Variants in CLGN observed in about 807,000 individuals in gnomAD.
The protein encoded by CLGN is calmegin, also known as testis tissue sperm-binding protein Li 79P.
CLGN carries 62 observed loss-of-function variants against 79.1 expected under a neutral mutation model. That is an observed-to-expected ratio of 0.78 (90% CI 0.64 to 0.97). CLGN has a LOEUF of 0.97. Ranked by LOEUF, CLGN falls within the 50% of genes least tolerant of loss-of-function variation. The probability of loss-of-function intolerance (pLI) is 0.00; values close to 1 mark genes in which losing one functional copy is unlikely to be tolerated. For missense variants in CLGN, 647 were observed against 715.5 expected, an observed-to-expected ratio of 0.90 and a Z score of 1.09; for synonymous variants, 225 against 224.7, an observed-to-expected ratio of 1.00 and a Z score of -0.01.
intron 2 of CLGN, among the ~76,000 whole-genome samples, chr4:140,410,945 A>T (rs944754252): frequency 5.9e-5 from 9 of 152,106 alleles, no homozygotes; most frequent in Non-Finnish European, 4.4e-5. Context: ...AAACAGCATA[A>T]TGAAAAGCAT....
At chr4:140,409,716 C>G in intron 4 of CLGN, 121 bp downstream of exon 4, 1 of 530,670 alleles carries the variant, frequency 1.9e-6, no homozygotes, top group Non-Finnish European at 3.4e-6. Context: ...AAAGACTGAA[C>G]ATTTTATTGT....
At chr4:140,406,770 A>G (rs888053618) in intron 4 of CLGN, among the ~76,000 whole-genome samples, 1 of 152,230 alleles carries the variant, frequency 6.6e-6, no homozygotes, top group Non-Finnish European at 1.5e-5. Flanking sequence ...GGCCACATAC[A>G]ATGCAAAGCT....
chr4:140,419,531 A>G (rs1729420809), intron 1 of CLGN, among the ~76,000 whole-genome samples: 2 of 152,158 alleles, frequency 1.3e-5, no homozygotes, highest in Non-Finnish European at 2.9e-5. Flanking sequence ...AAATACATTT[A>G]TATATAAATG....
At chr4:140,422,852 A>G (rs1729496830) in intron 1 of CLGN, among the ~76,000 whole-genome samples, 1 of 152,152 alleles carries the variant, frequency 6.6e-6, no homozygotes, top group Non-Finnish European at 1.5e-5. Context: ...CCTAGACTCA[A>G]CTGATCTGGC....
At chr4:140,419,695 A>G (rs1729424564) in intron 1 of CLGN, among the ~76,000 whole-genome samples, 1 of 152,174 alleles carries the variant, frequency 6.6e-6, no homozygotes, top group South Asian at 2.1e-4. Context: ...TAATTCCTAT[A>G]ATTCCACAAT....
Position 140,394,136 on chromosome 4 carries a change from C to T in CLGN, c.1150-95G>A, listed in dbSNP as rs149292968. The T allele has an allele frequency of 1.7e-3, 1,376 of 809,320 alleles. 16 individuals carry two copies. The highest frequency in any genetic ancestry group is 0.011 in the African/African-American group (650 of 57,304). The allele number at this position is 809,320 out of a possible 1,614,324, so 50.1% of individuals were successfully genotyped here. ...CTGCTGTTGAATGAAATTCGCAATG[C>T]TAACTGGAAAAAAGAGAATTTTAAC... On this transcript the variant is annotated intron_variant, in intron 10 of 14. Transcript: ENST00000325617.
chr4:140,409,202 G>T (rs1729167013), intron 4 of CLGN, among the ~76,000 whole-genome samples: 2 of 152,034 alleles, frequency 1.3e-5, no homozygotes, highest in South Asian at 4.1e-4. Context: ...ACTGTGAGAA[G>T]AGGCTGATCT....
chr4:140,395,033 C>T (rs1458207818), intron 10 of CLGN, among the ~76,000 whole-genome samples: 1 of 152,172 alleles, frequency 6.6e-6, no homozygotes, highest in African/African-American at 2.4e-5. Flanking sequence ...AAAAGTTAGC[C>T]GGGCGTGCTG....
intron 10 of CLGN, among the ~76,000 whole-genome samples, chr4:140,395,144 GTTTTTTGT>G (rs906561941): frequency 1.9e-4 from 22 of 113,582 alleles, no homozygotes; most frequent in African/African-American, 6.2e-4. Flanking sequence ...GCCAGGCCAG[GTTTTTTGT>G]TTTTTTGTTT....
At chr4:140,423,411 T>C (rs1165572579) in intron 1 of CLGN, among the ~76,000 whole-genome samples, 3 of 152,256 alleles carry the variant, frequency 2.0e-5, no homozygotes, top group Non-Finnish European at 2.9e-5. Context: ...TATAACTCTT[T>C]TAATATGCAG....
rs527793251 is a variant in CLGN, at chr4:140,420,800, A to G, written c.-10+6737T>C. On this transcript the variant is annotated intron_variant, in intron 1 of 14. Transcript: ENST00000325617. Reference sequence around the variant, plus strand: ...CTGTACTGAAACTCTGAGAGGTCAGATGCTGGGGTAATACTACAAGAAAAT... The same window carrying G: ...CTGTACTGAAACTCTGAGAGGTCAGGTGCTGGGGTAATACTACAAGAAAAT... Among the ~76,000 whole-genome samples, 4 of 152,298 alleles carry G rather than the reference A, an allele frequency of 2.6e-5. No homozygotes were observed. The South Asian group carries it at 8.3e-4, about 32-fold the overall frequency.
chr4:140,419,292 A>G (rs1729413396), intron 1 of CLGN, among the ~76,000 whole-genome samples: 1 of 152,208 alleles, frequency 6.6e-6, no homozygotes, highest in South Asian at 2.1e-4. Context: ...AGTATGGCAC[A>G]TGTATACATA....
At chr4:140,421,395 C>G (rs1283494535) in intron 1 of CLGN, among the ~76,000 whole-genome samples, 1 of 151,948 alleles carries the variant, frequency 6.6e-6, no homozygotes, top group Non-Finnish European at 1.5e-5. Context: ...GTGGCTTTAC[C>G]ATTTTACCTT....
At chr4:140,396,917 A>ACATATATATATATATG (rs1553944671) in intron 8 of CLGN, among the ~76,000 whole-genome samples, 1 of 133,878 alleles carries the variant, frequency 7.5e-6, no homozygotes, top group African/African-American at 3.1e-5. Context: ...GTATATATAT[A>ACATATATATATATATG]TATATACACA....
At chr4:140,406,473 A>G (rs1422173704) in intron 4 of CLGN, among the ~76,000 whole-genome samples, 1 of 152,254 alleles carries the variant, frequency 6.6e-6, no homozygotes, top group South Asian at 2.1e-4. Flanking sequence ...CATATGACAC[A>G]TAACACAAAA....
rs183094537 is a variant in CLGN at position 140,413,707 on chromosome 4, C to T, written c.-9-620G>A. ...CCCGCACCTGGCTTGGAGGGTCTTA[C>T]GCCCACGGAGTCTCGCTGATTAATA... On this transcript the variant is annotated intron_variant, in intron 1 of 14. Transcript: ENST00000325617. Among the ~76,000 whole-genome samples, 242 of 152,298 alleles carry T rather than the reference C, an allele frequency of 1.6e-3. 7 individuals are homozygous for T. The highest frequency in any genetic ancestry group is 0.014 in the Admixed American group (213 of 15,290).
chr4:140,417,725 T>C (rs1390733471), intron 1 of CLGN, among the ~76,000 whole-genome samples: 5 of 151,806 alleles, frequency 3.3e-5, no homozygotes, highest in Non-Finnish European at 7.4e-5. Context: ...TGGAAGAACA[T>C]TCCATGCTCA....
rs761904455 is a variant in CLGN at position 140,412,915 on chromosome 4, C to T, written c.144+20G>A. On this transcript the variant is annotated intron_variant, in intron 2 of 14. Coordinates refer to ENST00000325617, the MANE Select transcript of CLGN (RefSeq NM_004362.3). ...ACTATGTAAAGGAATAATTTATAAC[C>T]CATTTCTCAATAACCATACCTCTGA... 2 of 1,604,026 alleles carry T rather than the reference C, an allele frequency of 1.2e-6. No homozygotes were observed. Among genetic ancestry groups the T allele is most frequent in the East Asian group, 2.2e-5 (1 of 44,656 alleles).
intron 4 of CLGN, among the ~76,000 whole-genome samples, chr4:140,409,232 C>A (rs1418780701): frequency 2.8e-4 from 42 of 151,940 alleles, no homozygotes; most frequent in African/African-American, 9.7e-5. Flanking sequence ...ATATAACAAT[C>A]AAGGAGGCTG....
Sources: allele counts gnomAD v4.1 joint callset (sites outside exome capture counted in the v4.1 genomes callset), GRCh38; gene constraint gnomAD v4.1.1; transcripts MANE v1.5; gene names NCBI Gene and HGNC (gene_info 2026-07-23, HGNC 2026-07-21).